The following GPHN variants were observed in gnomAD, a reference collection of about 807,000 sequenced individuals.
GPHN encodes the protein gephyrin.
GPHN carries 17 observed loss-of-function variants against 95.5 expected under a neutral mutation model. The ratio of observed to expected loss-of-function variants is 0.18; its 90% confidence interval spans 0.12 to 0.27. The LOEUF (loss-of-function observed/expected upper bound fraction) is 0.27, where lower values mean the gene tolerates loss of function less well. Among genes scored for constraint, GPHN ranks in the 10% least tolerant of loss-of-function variants. The probability of loss-of-function intolerance (pLI) is 1.00; values close to 1 mark genes in which losing one functional copy is unlikely to be tolerated. For synonymous variants in GPHN, 320 were observed against 322.5 expected (o/e 0.99, Z 0.08); for missense variants, 660 against 978.1 (o/e 0.67, Z 4.34).
chr14:66,707,324 G>T (rs1327132790), intron 2 of GPHN, among the ~76,000 whole-genome samples: 1 of 152,116 alleles, frequency 6.6e-6, no homozygotes, highest in African/African-American at 2.4e-5. Flanking sequence ...TATATACCCA[G>T]AGGAATATAA....
chr14:66,794,640 A>G (rs1301118329), intron 3 of GPHN, among the ~76,000 whole-genome samples: 1 of 152,238 alleles, frequency 6.6e-6, no homozygotes, highest in East Asian at 1.9e-4. Context: ...TAGAAAAAAC[A>G]GAAGTGCTTA....
the GPHN span, chr14:67,208,105 T>A: frequency 6.6e-7 from 1 of 1,519,568 alleles, no homozygotes; most frequent in Non-Finnish European, 8.8e-7. Context: ...TCAGTGACGA[T>A]GAATGAAATG....
the GPHN span, among the ~76,000 whole-genome samples, chr14:67,407,564 C>A: frequency 1.3e-5 from 2 of 151,954 alleles, no homozygotes; most frequent in African/African-American, 4.8e-5. Flanking sequence ...TCTCAGCCTC[C>A]CAAGCAGCTG....
chr14:66,924,468 GTT>G (rs200745459), intron 8 of GPHN, among the ~76,000 whole-genome samples, 176 bp downstream of exon 8: 2,924 of 152,268 alleles, frequency 0.019, 38 homozygotes, highest in Middle Eastern at 0.034. Context: ...ATTTAATAGA[GTT>G]TCTCCTGTGA....
intron 1 of GPHN, among the ~76,000 whole-genome samples, chr14:66,675,948 G>C (rs1240114798): frequency 1.3e-5 from 2 of 151,482 alleles, no homozygotes; most frequent in African/African-American, 4.9e-5. Context: ...ACTGATTCTT[G>C]CATGTTGATT....
intron 2 of GPHN, among the ~76,000 whole-genome samples, chr14:66,688,875 G>A (rs1027772883): frequency 6.6e-6 from 1 of 150,454 alleles, no homozygotes; most frequent in Non-Finnish European, 1.5e-5. Flanking sequence ...GAGAACACAT[G>A]GACGCAGGGA....
intron 2 of GPHN, among the ~76,000 whole-genome samples, chr14:66,684,239 G>C (rs1485496492): frequency 6.6e-6 from 1 of 152,082 alleles, no homozygotes; most frequent in Non-Finnish European, 1.5e-5. Flanking sequence ...AATACTGTTA[G>C]AAAGGAAGAC....
intron 9 of GPHN, among the ~76,000 whole-genome samples, chr14:66,995,966 GA>G (rs1484192271): frequency 2.7e-3 from 342 of 125,482 alleles, no homozygotes; most frequent in African/African-American, 0.015. Context: ...CTCCATCATG[GA>G]TTTTTTTTTA....
intron 1 of GPHN, among the ~76,000 whole-genome samples, chr14:66,545,868 C>T (rs1201675343): frequency 6.6e-6 from 1 of 150,442 alleles, no homozygotes; most frequent in East Asian, 2.0e-4. Flanking sequence ...GGGGGCTGAC[C>T]CCCCCACCTC....
the GPHN span, chr14:67,555,799 T>G: frequency 6.2e-7 from 1 of 1,612,170 alleles, no homozygotes; most frequent in Non-Finnish European, 8.5e-7. Flanking sequence ...GGCACCTACA[T>G]CTCCCCTTTC....
intron 1 of GPHN, among the ~76,000 whole-genome samples, chr14:66,585,961 G>C (rs540168791): frequency 2.4e-4 from 36 of 152,058 alleles, no homozygotes; most frequent in South Asian, 1.7e-3. Context: ...TTTCTGTCTC[G>C]TTGATCTGTC....
the GPHN span, among the ~76,000 whole-genome samples, chr14:67,460,532 C>T: frequency 2.0e-4 from 31 of 152,222 alleles, no homozygotes; most frequent in African/African-American, 6.0e-4. Flanking sequence ...GTGAAACCCC[C>T]GTCTCTACTA....
At chr14:66,979,453 T>C (rs2070500976) in intron 9 of GPHN, among the ~76,000 whole-genome samples, 1 of 152,216 alleles carries the variant, frequency 6.6e-6, no homozygotes, top group African/African-American at 2.4e-5. Context: ...GACATCTTCT[T>C]TCCTTAGACC....
rs1384849375 is a variant in GPHN at position 66,924,422 on chromosome 14, G to C, written c.828+130G>C. On this transcript the variant is annotated intron_variant, in intron 8 of 22. Coordinates refer to ENST00000478722, the MANE Select transcript of GPHN (RefSeq NM_020806.5). ...TGGATTTTCAGCCTTGCTTTCTTGT[G>C]AAAGTGTGAGTGCCATTGAGTATAT... The C allele has an allele frequency of 3.9e-5, 27 of 699,976 alleles. No individual in the cohort carries two copies. The Admixed American group carries it at 5.0e-4, about 13-fold the overall frequency. The allele number at this position is 699,976 out of a possible 1,614,324, so 43.4% of individuals were successfully genotyped here. A position where few individuals can be genotyped will look rare whatever the true frequency, so the allele number is the denominator to read the frequency against.
At chr14:67,320,363 C>T in the GPHN span, 1 of 1,611,096 alleles carries the variant, frequency 6.2e-7, no homozygotes, top group Non-Finnish European at 8.5e-7. Context: ...GGCTCATGAA[C>T]AAAGAAAAGG....
At chr14:66,580,096 A>G (rs1363105929) in intron 1 of GPHN, among the ~76,000 whole-genome samples, 1 of 151,906 alleles carries the variant, frequency 6.6e-6, no homozygotes, top group Non-Finnish European at 1.5e-5. Flanking sequence ...ATATATGGAA[A>G]TTAAACAACA....
At chr14:67,190,574 A>G in the GPHN span, among the ~76,000 whole-genome samples, 32 of 152,304 alleles carry the variant, frequency 2.1e-4, no homozygotes, top group Admixed American at 1.5e-3. Flanking sequence ...TTCTTCCATA[A>G]GAAAAAATTC....
chr14:66,792,989 G>A (rs1051100640), intron 3 of GPHN, among the ~76,000 whole-genome samples: 2 of 152,280 alleles, frequency 1.3e-5, no homozygotes, highest in African/African-American at 4.8e-5. Context: ...GATCGCTCAT[G>A]CTATTGTTTG....
the GPHN span, among the ~76,000 whole-genome samples, chr14:67,256,030 ATTTG>A: frequency 1.3e-5 from 2 of 152,146 alleles, no homozygotes; most frequent in Non-Finnish European, 2.9e-5. Flanking sequence ...AAGTTTCAAT[ATTTG>A]TTTGTTTTCA....
Sources: gnomAD v4.1 joint callset for allele counts (sites outside exome capture counted in the v4.1 genomes callset) on GRCh38, gnomAD v4.1.1 for gene constraint, MANE v1.5 for transcripts, NCBI Gene and HGNC (gene_info 2026-07-23, HGNC 2026-07-21) for gene names.